The following GMEB1 variants were observed in gnomAD, a reference collection of about 807,000 sequenced individuals.
GMEB1 encodes glucocorticoid modulatory element binding protein 1.
GMEB1 carries 6 observed loss-of-function variants against 52.4 expected under a neutral mutation model. The observed-to-expected ratio is 0.11, with a 90% CI of 0.06 to 0.23. The LOEUF is 0.23. Ranked by LOEUF, GMEB1 falls within the 10% of genes least tolerant of loss-of-function variation. The pLI is 1.00. For synonymous variants in GMEB1, 255 were observed against 244.9 expected (o/e 1.04, Z -0.38); for missense variants, 486 against 685.6 (o/e 0.71, Z 3.25).
rs528044464 is a variant in GMEB1, at chr1:28,714,874, A to T, written c.*101A>T. 788 of 417,284 alleles carry T rather than the reference A, an allele frequency of 1.9e-3. No homozygotes were observed. The highest frequency in any genetic ancestry group is 4.5e-3 in the South Asian group (94 of 21,026). 25.8% of individuals were successfully genotyped at this position (417,284 alleles called of 1,614,324 possible). A position where few individuals can be genotyped will look rare whatever the true frequency, so the allele number is the denominator to read the frequency against. Reference sequence around the variant, plus strand: ...TCATTTCCACATAGGACCCTTTTTTAAAAAAAAAAAAACAAAATCTTATTG... The same window carrying T: ...TCATTTCCACATAGGACCCTTTTTTTAAAAAAAAAAAACAAAATCTTATTG... On this transcript the variant is annotated 3_prime_UTR_variant, in exon 10 of 10. Transcript: ENST00000373816.
chr1:28,678,350 C>T (rs1017828563), intron 1 of GMEB1, among the ~76,000 whole-genome samples: 4 of 152,098 alleles, frequency 2.6e-5, no homozygotes, highest in African/African-American at 9.7e-5. Flanking sequence ...CTCGCTCTGT[C>T]GCCCAGGCTG....
chr1:28,702,458 A>G lies in GMEB1; in HGVS notation c.619A>G (p.Ile207Val), dbSNP rs1206564773. The G allele has an allele frequency of 6.2e-7, 1 of 1,613,706 alleles. No individual in the cohort carries two copies. Among genetic ancestry groups the G allele is most frequent in the Admixed American group, 1.7e-5 (1 of 59,974 alleles). ...TTTAGGTAGCATCACGCAGATTGCC[A>G]TCTCAGAAGAGAGCATGGAAGAGGC... ...SADGSITQIA[I>V]SEESMEEAGL... is the part of the protein sequence containing the mutation. Residue 207 changes from isoleucine to valine, a missense_variant, in exon 7 of 10, where the codon ATC becomes GTC. Transcript: ENST00000373816.
At chr1:28,698,944 A>AC (rs1670362350) in intron 6 of GMEB1, among the ~76,000 whole-genome samples, 2 of 152,120 alleles carry the variant, frequency 1.3e-5, no homozygotes, top group African/African-American at 4.8e-5. Context: ...AGATCGTCCC[A>AC]TATTCCAGCC....
intron 2 of GMEB1, chr1:28,689,623 T>TATGTCTCAAAAAAATAAATAAATAAAA (rs1669861339): frequency 6.6e-6 from 1 of 152,378 alleles, no homozygotes; most frequent in African/African-American, 2.4e-5. Context: ...AGCGAGACTC[T>TATGTCTCAAAAAAATAAATAAATAAAA]ATGTCTCAAA....
chr1:28,678,834 A>G (rs1399239383), intron 1 of GMEB1, among the ~76,000 whole-genome samples: 4 of 149,288 alleles, frequency 2.7e-5, no homozygotes, highest in Non-Finnish European at 6.0e-5. Flanking sequence ...CAATCCGCCC[A>G]CCTCAGCCTC....
chr1:28,696,866 G>A lies in GMEB1; in HGVS notation c.441-61G>A. 5 of 1,297,210 alleles carry A rather than the reference G, an allele frequency of 3.9e-6. No homozygotes were observed. In the Admixed American group the frequency reaches 9.6e-5, roughly 25 times the overall value. The allele number at this position is 1,297,210 out of a possible 1,614,324, so 80.4% of individuals were successfully genotyped here. ...AGTGTTGTCCCTATTTTTCCCTGAGGCCTAGTTCCCACTAGATGAAGTATA... is the reference window on the plus strand; with the variant it reads ...AGTGTTGTCCCTATTTTTCCCTGAGACCTAGTTCCCACTAGATGAAGTATA... On this transcript the variant is annotated intron_variant, in intron 5 of 9. Transcript: ENST00000373816.
chr1:28,674,103 C>G (rs1669024387), intron 1 of GMEB1, among the ~76,000 whole-genome samples: 1 of 151,036 alleles, frequency 6.6e-6, no homozygotes, highest in African/African-American at 2.4e-5. Context: ...TGAGCCAAGA[C>G]CCTGCCATTG....
intron 1 of GMEB1, among the ~76,000 whole-genome samples, chr1:28,670,418 C>T (rs1668831643): frequency 6.6e-6 from 1 of 152,176 alleles, no homozygotes; most frequent in Non-Finnish European, 1.5e-5. Context: ...ACCTCCGCCT[C>T]TTGGGTTCAA....
chr1:28,679,508 G>A (rs1450317964), intron 1 of GMEB1, among the ~76,000 whole-genome samples: 1 of 152,030 alleles, frequency 6.6e-6, no homozygotes, highest in Non-Finnish European at 1.5e-5. Context: ...CAAGTTGCAG[G>A]AGTTCATATT....
At chr1:28,697,710 A>G (rs1009580069) in intron 6 of GMEB1, among the ~76,000 whole-genome samples, 1 of 152,224 alleles carries the variant, frequency 6.6e-6, no homozygotes, top group Non-Finnish European at 1.5e-5. Context: ...CAATACTTAC[A>G]TAACAGTTTC....
intron 1 of GMEB1, among the ~76,000 whole-genome samples, chr1:28,672,338 G>A (rs535488792): frequency 6.7e-6 from 1 of 149,760 alleles, no homozygotes; most frequent in African/African-American, 2.4e-5. Flanking sequence ...CTCCTCCTCA[G>A]CCTCCCGAGT....
intron 1 of GMEB1, among the ~76,000 whole-genome samples, chr1:28,675,686 A>T (rs543909451): frequency 6.6e-6 from 1 of 152,010 alleles, no homozygotes; most frequent in African/African-American, 2.4e-5. Flanking sequence ...TCTCAAAAAA[A>T]AAAAAAAAAG....
chr1:28,696,949 A>C lies in GMEB1; in HGVS notation c.463A>C (p.Ile155Leu). 6.2e-7 allele frequency: 1 copy of C among 1,611,390 alleles called. No individual in the cohort carries two copies. Among genetic ancestry groups the C allele is most frequent in the Non-Finnish European group, 8.5e-7 (1 of 1,178,632 alleles). The change falls in exon 6 of 10, where the codon ATT becomes CTT. Residue 155 changes from isoleucine (I) to leucine (L), a missense_variant. By Grantham distance (5) the Ile-to-Leu change is conservative. Around this residue, in one of 5 missense-constraint regions of GMEB1, gnomAD observed 43 missense variants for 117.5 expected, o/e 0.37. Coordinates refer to ENST00000373816, the MANE Select transcript of GMEB1 (RefSeq NM_001319674.2). ...CAGGAAAATGATGGACTCCGGACAG[A>C]TTGATTTTTACCAACATGACAAAGT... Reference protein sequence around the residue: ...MLRKMMDSGQIDFYQHDKVCS... With the variant: ...MLRKMMDSGQLDFYQHDKVCS...
intron 1 of GMEB1, among the ~76,000 whole-genome samples, chr1:28,682,155 G>A (rs1669419709): frequency 6.6e-6 from 1 of 152,128 alleles, no homozygotes. Flanking sequence ...CAACTGTGAA[G>A]ACTAATAACT....
In GMEB1 at chr1:28,678,022, A is replaced by G. The variant is rs188245514; in HGVS notation, c.-30-5561A>G. 1.2e-3 allele frequency among the ~76,000 whole-genome samples: 182 copies of G among 152,032 alleles called. 4 individuals are homozygous for G. In the East Asian group the frequency reaches 0.034, roughly 28 times the overall value. ...AACATGGTGAACTCCCGTCTCTACT[A>G]AAAATACAAAAATTAGCCGGGTGTG... On this transcript the variant is annotated intron_variant, in intron 1 of 9. Transcript: ENST00000373816.
chr1:28,681,732 C>T (rs1023969803), intron 1 of GMEB1, among the ~76,000 whole-genome samples: 12 of 151,900 alleles, frequency 7.9e-5, no homozygotes, highest in South Asian at 2.1e-4. Context: ...GACGGAGTTT[C>T]GCTCTTGTTG....
At chr1:28,674,708 CTTTTTTTTTT>C (rs34267851) in intron 1 of GMEB1, among the ~76,000 whole-genome samples, 6 of 49,132 alleles carry the variant, frequency 1.2e-4, no homozygotes, top group Non-Finnish European at 1.8e-4. Context: ...ATAGTTAATT[CTTTTTTTTTT>C]TTTTTTTTTT....
chr1:28,675,880 G>A (rs116372740), intron 1 of GMEB1, among the ~76,000 whole-genome samples: 2 of 152,106 alleles, frequency 1.3e-5, no homozygotes, highest in Non-Finnish European at 2.9e-5. Context: ...CTTGCATTTA[G>A]AGTTGGTTTC....
chr1:28,668,679 G>A (rs936813655), upstream of GMEB1: 12 of 153,622 alleles, frequency 7.8e-5, no homozygotes, highest in African/African-American at 2.9e-4. Context: ...CGGCAATAGG[G>A]ACGCGTCCCC....
Sources: gnomAD v4.1 joint callset for allele counts (sites outside exome capture counted in the v4.1 genomes callset) on GRCh38, gnomAD v4.1.1 for gene constraint, gnomAD v4.1.1 regional missense constraint, MANE v1.5 for transcripts, NCBI Gene and HGNC (gene_info 2026-07-23, HGNC 2026-07-21) for gene names.